The following PTPRG variants were observed in gnomAD, a reference collection of about 807,000 sequenced individuals.
PTPRG encodes receptor-type tyrosine-protein phosphatase gamma.
PTPRG carries 102 observed loss-of-function variants against 165.3 expected under a neutral mutation model. That is an observed-to-expected ratio of 0.62 (90% CI 0.53 to 0.73). The LOEUF (loss-of-function observed/expected upper bound fraction) is 0.73, where lower values mean the gene tolerates loss of function less well. Among genes scored for constraint, PTPRG ranks in the 30% least tolerant of loss-of-function variants. The pLI, the probability that PTPRG is intolerant of heterozygous loss-of-function variation, is 0.00. For synonymous variants in PTPRG, 675 were observed against 669.5 expected (o/e 1.01, Z -0.13); for missense variants, 1,866 against 1,861.4 (o/e 1.00, Z -0.05).
chr3:62,025,712 A>G (rs1338814506), intron 4 of PTPRG, among the ~76,000 whole-genome samples: 1 of 152,204 alleles, frequency 6.6e-6, no homozygotes, highest in Non-Finnish European at 1.5e-5. Flanking sequence ...TAATGTAAAA[A>G]TTGTAAATGT....
intron 2 of PTPRG, among the ~76,000 whole-genome samples, chr3:61,856,982 AC>A (rs1351813118): frequency 6.6e-6 from 1 of 151,996 alleles, no homozygotes; most frequent in Non-Finnish European, 1.5e-5. Flanking sequence ...CATTTTCTCT[AC>A]ATGAGGCTCC....
At position 61,827,118 on chromosome 3, in the gene PTPRG, C is replaced by T. The variant is rs1164918846; in HGVS notation, c.190+78136C>T. ...ATGCTTTGCTGTGTTCTTCTATCCT[C>T]TATAGTCAGGGAAGTGTGAAGGTGG... On this transcript the variant is annotated intron_variant, in intron 2 of 29. Transcript: ENST00000474889. 2.0e-5 allele frequency among the ~76,000 whole-genome samples: 3 copies of T among 152,184 alleles called. No homozygotes were observed. In the East Asian group the frequency reaches 5.8e-4, roughly 29 times the overall value.
chr3:62,160,688 A>T (rs1027496100), intron 7 of PTPRG, among the ~76,000 whole-genome samples: 4 of 152,256 alleles, frequency 2.6e-5, no homozygotes, highest in African/African-American at 9.6e-5. Flanking sequence ...TTCTTTGCCC[A>T]TAGGCAACTA....
At chr3:61,758,678 C>G (rs542792006) in intron 2 of PTPRG, among the ~76,000 whole-genome samples, 2 of 152,068 alleles carry the variant, frequency 1.3e-5, no homozygotes, top group Non-Finnish European at 2.9e-5. Flanking sequence ...GTCTCGAACT[C>G]CCGACCTCAG....
At chr3:62,041,894 A>G (rs545534000) in intron 4 of PTPRG, among the ~76,000 whole-genome samples, 17 of 152,200 alleles carry the variant, frequency 1.1e-4, no homozygotes, top group Non-Finnish European at 2.5e-4. Context: ...TGACTCACAC[A>G]GTGCTGAGTG....
chr3:61,961,020 C>G (rs2040141821), intron 2 of PTPRG, among the ~76,000 whole-genome samples: 1 of 152,096 alleles, frequency 6.6e-6, no homozygotes, highest in Non-Finnish European at 1.5e-5. Flanking sequence ...TAGCAGGGAT[C>G]TAGTAAGGCT....
chr3:62,029,722 C>G (rs902619779), intron 4 of PTPRG, among the ~76,000 whole-genome samples: 9 of 152,210 alleles, frequency 5.9e-5, no homozygotes, highest in African/African-American at 2.2e-4. Flanking sequence ...GGAAAACATT[C>G]ACACACATTA....
intron 1 of PTPRG, among the ~76,000 whole-genome samples, chr3:61,570,488 C>T (rs761957959): frequency 1.3e-5 from 2 of 152,106 alleles, no homozygotes; most frequent in African/African-American, 4.8e-5. Flanking sequence ...GTCTGTGATA[C>T]TGTCTTTCTA....
chr3:61,584,173 A>T (rs1700377218), intron 1 of PTPRG, among the ~76,000 whole-genome samples: 1 of 149,606 alleles, frequency 6.7e-6, no homozygotes, highest in Admixed American at 6.6e-5. Context: ...TCTTGATTTT[A>T]TTTGTAAATT....
intron 5 of PTPRG, among the ~76,000 whole-genome samples, chr3:62,128,568 G>T (rs1368526096): frequency 6.6e-6 from 1 of 151,590 alleles, no homozygotes; most frequent in Non-Finnish European, 1.5e-5. Flanking sequence ...TTTATTGGAT[G>T]TGGCATTTGT....
chr3:62,039,601 T>A (rs1184673148), intron 4 of PTPRG, among the ~76,000 whole-genome samples: 1 of 152,002 alleles, frequency 6.6e-6, no homozygotes, highest in Non-Finnish European at 1.5e-5. Flanking sequence ...CTGAAGGGAG[T>A]CTATGTACAG....
At position 62,293,058 on chromosome 3, in the gene PTPRG, C is replaced by G. The variant is rs1412786200; in HGVS notation, c.4192-103C>G. The G allele has an allele frequency of 7.1e-6, 7 of 990,410 alleles. No individual in the cohort carries two copies. The East Asian group carries it at 1.8e-4, about 26-fold the overall frequency. 61.4% of individuals were successfully genotyped at this position (990,410 alleles called of 1,614,324 possible). A position where few individuals can be genotyped will look rare whatever the true frequency, so the allele number is the denominator to read the frequency against. On this transcript the variant is annotated intron_variant, in intron 29 of 29. Transcript: ENST00000474889. ...GATAACATTTATGCTATTGCTGTTT[C>G]TCTAGTGTGTTTTTCACAATTACCA...
At chr3:61,661,795 T>TGGTGTTGAAATGTGTGGCA (rs1276309641) in intron 1 of PTPRG, among the ~76,000 whole-genome samples, 102 of 152,336 alleles carry the variant, frequency 6.7e-4, no homozygotes, top group Middle Eastern at 3.4e-3. Context: ...ACCTACTAGC[T>TGGTGTTGAAATGTGTGGCA]GGTGTTGAAA....
chr3:62,047,345 C>T (rs541924260), intron 4 of PTPRG, among the ~76,000 whole-genome samples: 6 of 152,120 alleles, frequency 3.9e-5, no homozygotes, highest in South Asian at 2.1e-4. Context: ...CTGCAACCTC[C>T]GCCTCCCGGG....
At chr3:61,662,805 T>A (rs918758684) in intron 1 of PTPRG, among the ~76,000 whole-genome samples, 1 of 152,144 alleles carries the variant, frequency 6.6e-6, no homozygotes, top group Non-Finnish European at 1.5e-5. Flanking sequence ...TCTGTTCCAG[T>A]AGCATTTTAA....
At chr3:61,659,163 C>A in intron 1 of PTPRG, 1 of 447,402 alleles carries the variant, frequency 2.2e-6, no homozygotes. Flanking sequence ...GGGCCTTTTG[C>A]CATGGCCTGA....
intron 2 of PTPRG, among the ~76,000 whole-genome samples, chr3:61,751,270 G>A (rs1378583928): frequency 1.3e-5 from 2 of 152,162 alleles, no homozygotes; most frequent in Non-Finnish European, 1.5e-5. Flanking sequence ...GGGTACATCA[G>A]ACCAGCACCT....
intron 17 of PTPRG, among the ~76,000 whole-genome samples, chr3:62,266,224 C>T (rs1420033638): frequency 6.6e-6 from 1 of 152,138 alleles, no homozygotes; most frequent in Non-Finnish European, 1.5e-5. Flanking sequence ...GGCACATTGC[C>T]TGCCTTCATC....
chr3:62,283,113 A>G (rs1702515048), intron 28 of PTPRG, among the ~76,000 whole-genome samples: 1 of 152,110 alleles, frequency 6.6e-6, no homozygotes, highest in South Asian at 2.1e-4. Context: ...GGAAAGTATT[A>G]TATCTTAGCC....
Sources: allele counts gnomAD v4.1 joint callset (sites outside exome capture counted in the v4.1 genomes callset), GRCh38; gene constraint gnomAD v4.1.1; transcripts MANE v1.5; gene names NCBI Gene and HGNC (gene_info 2026-07-23, HGNC 2026-07-21).